TRIP12: variants seen among roughly 807,000 people sequenced by gnomAD.
The protein encoded by TRIP12 is thyroid hormone receptor interactor 12.
In TRIP12, 25 loss-of-function variants were observed where a neutral mutation model predicts 244.2. The observed-to-expected ratio is 0.10, with a 90% CI of 0.07 to 0.14. The LOEUF (loss-of-function observed/expected upper bound fraction) is 0.14. Among genes scored for constraint, TRIP12 ranks in the 10% least tolerant of loss-of-function variants. TRIP12 has a pLI of 1.00. For synonymous variants in TRIP12, 905 were observed against 873.1 expected (o/e 1.04, Z -0.64); for missense variants, 1,677 against 2,486.4 (o/e 0.67, Z 6.92).
intron 1 of TRIP12, among the ~76,000 whole-genome samples, chr2:229,901,337 T>C (rs1358215662): frequency 2.0e-5 from 3 of 151,990 alleles, no homozygotes; most frequent in Admixed American, 1.3e-4. Context: ...GTGGCTCACT[T>C]TGGCCAGGCG....
chr2:229,817,833 G>C (rs2048885345), intron 9 of TRIP12, among the ~76,000 whole-genome samples: 1 of 152,140 alleles, frequency 6.6e-6, no homozygotes, highest in Non-Finnish European at 1.5e-5. Flanking sequence ...GACCTCAGAA[G>C]ATCCACCTAC....
chr2:229,779,014 G>A (rs1333946552), intron 34 of TRIP12, 24 bp from the exon 35 acceptor site: 14 of 1,590,462 alleles, frequency 8.8e-6, no homozygotes, highest in Admixed American at 1.7e-5. Flanking sequence ...CAAGTAGAAC[G>A]ATTTCAAATT....
At position 229,831,875 on chromosome 2, in the gene TRIP12, T is replaced by TG. The variant is rs1397766302; in HGVS notation, c.1271-1037_1271-1036insC. ...CTGCTGAGGTCAAAGGTTTTTTTTGTTTGTTTTTTGGGTTTTTTTTTTTTT... is the reference window on the plus strand; with the variant it reads ...CTGCTGAGGTCAAAGGTTTTTTTTGTGTTGTTTTTTGGGTTTTTTTTTTTTT... On this transcript the variant is annotated intron_variant, in intron 6 of 41. Coordinates refer to ENST00000675903, the MANE Select transcript of TRIP12 (RefSeq NM_001348323.3). Among the ~76,000 whole-genome samples, 621 of 117,196 alleles carry TG rather than the reference T, an allele frequency of 5.3e-3. 8 individuals carry two copies. The highest frequency in any genetic ancestry group is 0.026 in the African/African-American group (583 of 22,710). 76.9% of individuals were successfully genotyped at this position (117,196 alleles called of 152,430 possible). A position where few individuals can be genotyped will look rare whatever the true frequency, so the allele number is the denominator to read the frequency against.
At chr2:229,801,119 A>G (rs1375371921) in intron 21 of TRIP12, among the ~76,000 whole-genome samples, 3 of 152,144 alleles carry the variant, frequency 2.0e-5, no homozygotes, top group Non-Finnish European at 4.4e-5. Flanking sequence ...AGTAAAGGAG[A>G]GAGCAAGGCT....
At chr2:229,908,964 C>A (rs1438472624) in intron 1 of TRIP12, among the ~76,000 whole-genome samples, 1 of 151,610 alleles carries the variant, frequency 6.6e-6, no homozygotes, top group African/African-American at 2.4e-5. Flanking sequence ...GTGGCACATA[C>A]CTGTGGTCCC....
chr2:229,852,851 A>G (rs2058973496), intron 4 of TRIP12, among the ~76,000 whole-genome samples: 2 of 152,144 alleles, frequency 1.3e-5, no homozygotes, highest in Admixed American at 1.3e-4. Context: ...TCCTCACTAA[A>G]TGTATTATAT....
At chr2:229,855,908 T>C (rs965635337) in intron 4 of TRIP12, among the ~76,000 whole-genome samples, 8 of 152,024 alleles carry the variant, frequency 5.3e-5, no homozygotes, top group South Asian at 2.1e-4. Flanking sequence ...CATGGTGGCA[T>C]GCGCCTGTAA....
At chr2:229,805,515 G>A (rs1035700583) in intron 18 of TRIP12, among the ~76,000 whole-genome samples, 10 of 152,162 alleles carry the variant, frequency 6.6e-5, no homozygotes, top group African/African-American at 2.4e-4. Context: ...CGAATCTCAG[G>A]ACATCAGGTA....
intron 39 of TRIP12, among the ~76,000 whole-genome samples, chr2:229,770,466 TAA>T (rs1207111944): frequency 2.6e-5 from 4 of 152,106 alleles, no homozygotes; most frequent in Non-Finnish European, 5.9e-5. Flanking sequence ...ATTAAGACGT[TAA>T]GTTAATCAAA....
At position 229,839,640 on chromosome 2, in the gene TRIP12, T is replaced by C. The variant is rs560443084; in HGVS notation, c.1133+1182A>G. ...TTTGCAGTGAGCCGAGATTGTGCCATTGCACTCCAGCCTGGGCGACAGAGT... is the reference window on the plus strand; with the variant it reads ...TTTGCAGTGAGCCGAGATTGTGCCACTGCACTCCAGCCTGGGCGACAGAGT... On this transcript the variant is annotated intron_variant, in intron 5 of 41. Coordinates refer to ENST00000675903, the MANE Select transcript of TRIP12 (RefSeq NM_001348323.3). Among the ~76,000 whole-genome samples the C allele has an allele frequency of 3.2e-4, 48 of 151,514 alleles. No individual in the cohort carries two copies. The South Asian group carries it at 9.0e-3, about 28-fold the overall frequency.
intron 8 of TRIP12, among the ~76,000 whole-genome samples, chr2:229,825,146 G>T (rs1250459305): frequency 1.3e-5 from 2 of 152,136 alleles, no homozygotes; most frequent in Non-Finnish European, 2.9e-5. Context: ...GCAGCAACTT[G>T]AAATCTCGTA....
In TRIP12 at chr2:229,778,836, C is replaced by G; in HGVS notation, c.5209+40G>C. On this transcript the variant is annotated intron_variant, in intron 35 of 41. Coordinates refer to ENST00000675903, the MANE Select transcript of TRIP12 (RefSeq NM_001348323.3). This position sits in a 1 kb window ranked among gnomAD's most constrained non-coding sequence, Gnocchi z 4.1. The stretch of plus-strand genomic sequence containing the variant: ...AAACTGTCAGAGTCCATTACCTGAT[C>G]TGAGTAACACAAACCAACTAACTTA... 1.3e-6 allele frequency: 2 copies of G among 1,565,318 alleles called. No individual in the cohort carries two copies. The highest frequency in any genetic ancestry group is 8.8e-7 in the Non-Finnish European group (1 of 1,136,632).
At position 229,769,314 on chromosome 2, in the gene TRIP12, G is replaced by T. The variant is rs1473276716; in HGVS notation, c.5820C>A (p.Leu1940=). 2 of 1,613,814 alleles carry T rather than the reference G, an allele frequency of 1.2e-6. No individual in the cohort carries two copies. Among genetic ancestry groups the T allele is most frequent in the Non-Finnish European group, 1.7e-6 (2 of 1,179,962 alleles). Reference sequence around the variant, plus strand: ...AAGTGTCTGCTTTACTGCCACAAAGGAGCTGATCCAGCTGTGAGTTTAAAT... The same window carrying T: ...AAGTGTCTGCTTTACTGCCACAAAGTAGCTGATCCAGCTGTGAGTTTAAAT... The part of the protein sequence containing the change: ...QYFYPEELDQ[L]LCGSKADTWD... The change falls in exon 40 of 42, where the codon CTC becomes CTA. Residue 1940 remains leucine, a synonymous_variant. Coordinates refer to ENST00000675903, the MANE Select transcript of TRIP12 (RefSeq NM_001348323.3).
intron 34 of TRIP12, among the ~76,000 whole-genome samples, chr2:229,779,953 A>T (rs773179831): frequency 6.6e-6 from 1 of 152,148 alleles, no homozygotes; most frequent in Non-Finnish European, 1.5e-5. Flanking sequence ...TTCATATCAC[A>T]GGTTATACTC....
intron 1 of TRIP12, among the ~76,000 whole-genome samples, chr2:229,906,507 G>C (rs1475297636): frequency 6.6e-6 from 1 of 151,218 alleles, no homozygotes; most frequent in Non-Finnish European, 1.5e-5. Flanking sequence ...GGATCATGAG[G>C]TCAAGAGATC....
chr2:229,858,916 T>C lies in TRIP12; in HGVS notation c.883A>G (p.Lys295Glu), dbSNP rs2154335898. 1 of 1,614,250 alleles carries C rather than the reference T, an allele frequency of 6.2e-7. No homozygotes were observed. The highest frequency in any genetic ancestry group is 1.3e-5 in the African/African-American group (1 of 75,072). ...RRSSREKEQS[K>E]TGGSSKFDWA... ...TCAAATTTTGAAGAGCCACCAGTTT[T>C]ACTCTGTTCCTTTTCCCTGCTACTT... Residue 295 changes from lysine (K) to glutamate (E), a missense_variant, in exon 4 of 42, where the codon AAA becomes GAA. Physicochemically the swap from Lys to Glu is moderately conservative, Grantham distance 56 (BLOSUM62 1). Around this residue, in one of 11 missense-constraint regions of TRIP12, gnomAD observed 387 missense variants for 392.6 expected, o/e 0.99. Transcript: ENST00000675903.
At chr2:229,787,255 C>T (rs1197563155) in intron 33 of TRIP12, among the ~76,000 whole-genome samples, 1 of 151,718 alleles carries the variant, frequency 6.6e-6, no homozygotes, top group South Asian at 2.1e-4. Flanking sequence ...CTAAGAGTTA[C>T]GGCAACTAAA....
At chr2:229,806,017 G>T in intron 17 of TRIP12, 134 bp from the exon 18 acceptor site, 3 of 673,804 alleles carry the variant, frequency 4.5e-6, no homozygotes, top group Non-Finnish European at 6.9e-6. Flanking sequence ...GTTAACAGAA[G>T]ATGGAATAAT....
intron 39 of TRIP12, 32 bp from the exon 40 acceptor site, chr2:229,769,357 C>T (rs765020795): frequency 6.2e-7 from 1 of 1,601,072 alleles, no homozygotes; most frequent in South Asian, 1.1e-5. Context: ...AAAAGAATTA[C>T]TAAGGAAACA....
Sources: allele counts gnomAD v4.1 joint callset (sites outside exome capture counted in the v4.1 genomes callset), GRCh38; gene constraint gnomAD v4.1.1; regional missense constraint gnomAD v4.1.1; non-coding constraint Gnocchi (gnomAD v3.1); transcripts MANE v1.5; gene names NCBI Gene and HGNC (gene_info 2026-07-23, HGNC 2026-07-21).